MACROD2: variants seen among roughly 807,000 people sequenced by gnomAD.
MACROD2 encodes the protein mono-ADP ribosylhydrolase 2.
Under a neutral mutation model 70.4 loss-of-function variants are expected in MACROD2, and 36 were observed. That is an observed-to-expected ratio of 0.51 (90% confidence interval 0.39 to 0.68). MACROD2 has a LOEUF of 0.68. MACROD2 is among the 30% of genes least tolerant of loss of function. MACROD2 has a pLI of 0.00. For synonymous variants in MACROD2, 172 were observed against 178.8 expected (o/e 0.96, Z 0.30); for missense variants, 496 against 538.4 (o/e 0.92, Z 0.78).
intron 5 of MACROD2, among the ~76,000 whole-genome samples, chr20:14,958,459 C>G (rs1380850157): frequency 5.3e-5 from 8 of 152,164 alleles, no homozygotes; most frequent in African/African-American, 1.9e-4. Context: ...GCAGATTCTA[C>G]TCTAGTTTAA....
chr20:15,894,999 C>T (rs1274813638), intron 10 of MACROD2, among the ~76,000 whole-genome samples: 1 of 152,184 alleles, frequency 6.6e-6, no homozygotes, highest in Non-Finnish European at 1.5e-5. Context: ...CACCTTTCCC[C>T]TAGAGAAACT....
intron 8 of MACROD2, among the ~76,000 whole-genome samples, chr20:15,573,947 C>G (rs1212079402): frequency 6.6e-6 from 1 of 152,164 alleles, no homozygotes. Context: ...TGAATCTCAA[C>G]CAATCCAAAA....
At chr20:15,255,888 C>A (rs1568671909) in intron 6 of MACROD2, among the ~76,000 whole-genome samples, 3 of 152,066 alleles carry the variant, frequency 2.0e-5, no homozygotes, top group Admixed American at 6.6e-5. Flanking sequence ...AAAACTGGAA[C>A]TGTATGGCAA....
At chr20:15,840,233 G>T (rs888993907) in intron 8 of MACROD2, among the ~76,000 whole-genome samples, 13 of 152,246 alleles carry the variant, frequency 8.5e-5, no homozygotes, top group Admixed American at 7.8e-4. Flanking sequence ...TATCCAGCGA[G>T]GACAATAAGA....
At chr20:15,270,132 C>T (rs188510419) in intron 6 of MACROD2, among the ~76,000 whole-genome samples, 225 of 148,204 alleles carry the variant, frequency 1.5e-3, no homozygotes, top group African/African-American at 5.4e-3. Flanking sequence ...GCTCCAGCCT[C>T]GGGGTCTCAC....
intron 3 of MACROD2, among the ~76,000 whole-genome samples, chr20:14,414,942 TC>T (rs1185384338): frequency 2.1e-5 from 3 of 142,468 alleles, no homozygotes; most frequent in Non-Finnish European, 3.1e-5. Flanking sequence ...TTTTTTTTTT[TC>T]CCATGGTGTG....
chr20:15,377,183 T>C (rs1387355902), intron 6 of MACROD2, among the ~76,000 whole-genome samples: 1 of 152,116 alleles, frequency 6.6e-6, no homozygotes, highest in Non-Finnish European at 1.5e-5. Flanking sequence ...AGCCACCACG[T>C]CAGGCCTCTA....
intron 3 of MACROD2, among the ~76,000 whole-genome samples, chr20:14,203,832 G>A (rs2081500367): frequency 6.6e-6 from 1 of 152,236 alleles, no homozygotes; most frequent in Non-Finnish European, 1.5e-5. Flanking sequence ...AGTGGTGGCA[G>A]GTCCAGGTGG....
At chr20:14,079,452 T>C (rs2053960564) in intron 2 of MACROD2, among the ~76,000 whole-genome samples, 1 of 152,254 alleles carries the variant, frequency 6.6e-6, no homozygotes, top group African/African-American at 2.4e-5. Flanking sequence ...TTATCATTCT[T>C]TAATGTCTTA....
intron 3 of MACROD2, among the ~76,000 whole-genome samples, chr20:14,399,134 C>T (rs919064136): frequency 2.6e-5 from 4 of 151,924 alleles, no homozygotes; most frequent in Admixed American, 2.6e-4. Flanking sequence ...ATTCTCCTGC[C>T]TCAGCCTTCC....
At chr20:15,052,933 C>T (rs2075454303) in intron 5 of MACROD2, among the ~76,000 whole-genome samples, 2 of 152,140 alleles carry the variant, frequency 1.3e-5, no homozygotes, top group Non-Finnish European at 2.9e-5. Flanking sequence ...AGTGAAACAG[C>T]TTTATGGGAG....
intron 9 of MACROD2, among the ~76,000 whole-genome samples, chr20:15,875,102 G>T (rs2064649234): frequency 6.6e-6 from 1 of 152,112 alleles, no homozygotes; most frequent in Admixed American, 6.6e-5. Context: ...ATTCTTTCCT[G>T]GAGCCTCCAG....
At chr20:15,419,521 T>TC (rs1230746818) in intron 6 of MACROD2, among the ~76,000 whole-genome samples, 8 of 152,308 alleles carry the variant, frequency 5.3e-5, no homozygotes, top group Non-Finnish European at 2.9e-5. Flanking sequence ...TGTGTTCTTG[T>TC]TCCCGATTCC....
At chr20:14,532,566 G>GCCATTACTTATTACTGTGTGACTGAGAT (rs1372017825) in intron 4 of MACROD2, among the ~76,000 whole-genome samples, 1 of 152,074 alleles carries the variant, frequency 6.6e-6, no homozygotes, top group South Asian at 2.1e-4. Context: ...AGTATTAAGA[G>GCCATTACTTATTACTGTGTGACTGAGAT]CCATTACTTA....
chr20:14,675,814 C>A (rs190657624), intron 4 of MACROD2, among the ~76,000 whole-genome samples: 1 of 151,828 alleles, frequency 6.6e-6, no homozygotes, highest in Non-Finnish European at 1.5e-5. Context: ...ATCTCATGTG[C>A]AAAGACACAC....
intron 8 of MACROD2, among the ~76,000 whole-genome samples, chr20:15,752,323 G>T (rs532476099): frequency 6.4e-4 from 97 of 151,798 alleles, no homozygotes; most frequent in African/African-American, 2.3e-3. Flanking sequence ...TATTTTGCAG[G>T]GGAGAAATAG....
chr20:15,411,149 T>TACACACACACAC (rs55750139), intron 6 of MACROD2, among the ~76,000 whole-genome samples: 33,008 of 143,826 alleles, frequency 0.23, 4,198 homozygotes, highest in Middle Eastern at 0.3. Context: ...GATATGTATT[T>TACACACACACAC]ACACACACAC....
At chr20:15,621,421 A>G (rs909775666) in intron 8 of MACROD2, among the ~76,000 whole-genome samples, 1 of 152,228 alleles carries the variant, frequency 6.6e-6, no homozygotes, top group African/African-American at 2.4e-5. Context: ...TGCTCAGGAC[A>G]TGCAGATTGC....
At chr20:15,810,317 A>G (rs1409743811) in intron 8 of MACROD2, among the ~76,000 whole-genome samples, 112 of 151,942 alleles carry the variant, frequency 7.4e-4, no homozygotes, top group African/African-American at 2.7e-3. Context: ...TAGTGCCACA[A>G]TAAACATACA....
Sources: allele counts gnomAD v4.1 joint callset (sites outside exome capture counted in the v4.1 genomes callset), GRCh38; gene constraint gnomAD v4.1.1; transcripts MANE v1.5; gene names NCBI Gene and HGNC (gene_info 2026-07-23, HGNC 2026-07-21).